The following POMT2 variants were observed in gnomAD, a reference collection of about 807,000 sequenced individuals.
The protein encoded by POMT2 is protein O-mannosyl-transferase 2.
POMT2 carries 75 observed loss-of-function variants against 100.0 expected under a neutral mutation model. The observed-to-expected ratio is 0.75, with a 90% CI of 0.62 to 0.91. POMT2 has a LOEUF of 0.91. Ranked by LOEUF, POMT2 falls within the 40% of genes least tolerant of loss-of-function variation. POMT2 has a pLI of 0.00. For synonymous variants in POMT2, 378 were observed against 374.1 expected, an observed-to-expected ratio of 1.01 and a Z score of -0.12; for missense variants, 940 against 955.1, an observed-to-expected ratio of 0.98 and a Z score of 0.21.
rs1406676294 is a variant in POMT2, at chr14:77,277,300, C to T, written c.*76G>A. ...GCTCCTTAGGCAGCTTCCTCATGGC[C>T]GGATGGTCCAGTACTGCTTCCCAGC... On this transcript the variant is annotated 3_prime_UTR_variant, in exon 21 of 21. Coordinates refer to ENST00000261534, the MANE Select transcript of POMT2 (RefSeq NM_013382.7). 1.1e-5 allele frequency: 14 copies of T among 1,301,076 alleles called. No individual in the cohort carries two copies. Among genetic ancestry groups the T allele is most frequent in the African/African-American group, 4.4e-5 (3 of 68,714 alleles). 80.6% of individuals were successfully genotyped at this position (1,301,076 alleles called of 1,614,324 possible).
chr14:77,283,770 G>A (rs144898132), intron 15 of POMT2, 27 bp downstream of exon 15: 366 of 1,561,242 alleles, frequency 2.3e-4, no homozygotes, highest in Middle Eastern at 5.1e-4. Context: ...TCTTAGAGAC[G>A]CCATGAAATG....
At position 77,307,463 on chromosome 14, in the gene POMT2, A is replaced by C. The variant is rs572916943; in HGVS notation, c.334-1022T>G. Among the ~76,000 whole-genome samples, 4 of 152,348 alleles carry C rather than the reference A, an allele frequency of 2.6e-5. No individual in the cohort carries two copies. The South Asian group carries it at 8.3e-4, about 32-fold the overall frequency. ...CAACAAAGACTTGTTTTTAAAAAGG[A>C]AGGCAGGGACCCCAGGGTTCAGACA... is the stretch of plus-strand genomic sequence containing the variant. On this transcript the variant is annotated intron_variant, in intron 2 of 20. Coordinates refer to ENST00000261534, the MANE Select transcript of POMT2 (RefSeq NM_013382.7).
intron 1 of POMT2, among the ~76,000 whole-genome samples, chr14:77,313,376 G>A (rs970169743): frequency 2.0e-5 from 3 of 152,250 alleles, no homozygotes; most frequent in Non-Finnish European, 4.4e-5. Flanking sequence ...TAACTTCAAA[G>A]CAGGGTAATG....
At chr14:77,290,033 C>A (rs988406679) in intron 10 of POMT2, among the ~76,000 whole-genome samples, 9 of 152,134 alleles carry the variant, frequency 5.9e-5, no homozygotes, top group Non-Finnish European at 1.3e-4. Flanking sequence ...CATTAATTAG[C>A]AAGATGACAA....
intron 1 of POMT2, chr14:77,319,597 TATAA>T (rs1370008660): frequency 6.6e-6 from 1 of 152,264 alleles, no homozygotes; most frequent in African/African-American, 2.4e-5. Context: ...TACTGCCTTC[TATAA>T]AACAGCAGAT....
At chr14:77,316,362 C>G (rs1411697155) in intron 1 of POMT2, among the ~76,000 whole-genome samples, 1 of 151,882 alleles carries the variant, frequency 6.6e-6, no homozygotes, top group Non-Finnish European at 1.5e-5. Context: ...GGCTTGAGGT[C>G]AGGAGTTCAA....
chr14:77,308,431 C>T (rs1400329452), intron 2 of POMT2, among the ~76,000 whole-genome samples: 7 of 148,884 alleles, frequency 4.7e-5, no homozygotes, highest in African/African-American at 1.7e-4. Context: ...TCCCAGCTCA[C>T]TGCAACCTCC....
At chr14:77,277,959 G>C (rs888692559) in intron 20 of POMT2, among the ~76,000 whole-genome samples, 6 of 137,796 alleles carry the variant, frequency 4.4e-5, no homozygotes, top group African/African-American at 1.6e-4. Flanking sequence ...AGTGACTAAA[G>C]AGGGGTGCCC....
intron 5 of POMT2, 58 bp from the exon 6 acceptor site, chr14:77,301,307 C>T (rs1428456659): frequency 1.3e-5 from 20 of 1,599,830 alleles, no homozygotes; most frequent in Non-Finnish European, 1.6e-5. Context: ...CAAACGCAAG[C>T]GCAGCAGGGG....
At chr14:77,308,030 T>C (rs558826618) in intron 2 of POMT2, among the ~76,000 whole-genome samples, 6 of 151,108 alleles carry the variant, frequency 4.0e-5, no homozygotes, top group African/African-American at 1.5e-4. Context: ...CCCGGCTAAT[T>C]TTTGTATTTT....
chr14:77,296,509 C>T lies in POMT2; in HGVS notation c.1007-236G>A, dbSNP rs932137374. The T allele has an allele frequency of 1.8e-4, 99 of 560,236 alleles. No homozygotes were observed. The Middle Eastern group carries it at 2.8e-3, about 16-fold the overall frequency. The allele number at this position is 560,236 out of a possible 1,614,324, so 34.7% of individuals were successfully genotyped here. ...GCTTCAGAAGAAGCTTGTGTTAACA[C>T]TGTCATTATCAAAGCACTACGTGTA... On this transcript the variant is annotated intron_variant, in intron 8 of 20. Coordinates refer to ENST00000261534, the MANE Select transcript of POMT2 (RefSeq NM_013382.7).
Position 77,302,860 on chromosome 14 carries a change from C to T in POMT2, c.631G>A (p.Val211Ile), listed in dbSNP as rs373139592. 7.4e-5 allele frequency: 120 copies of T among 1,613,352 alleles called. No individual in the cohort carries two copies. Among genetic ancestry groups the T allele is most frequent in the Non-Finnish European group, 9.7e-5 (114 of 1,179,434 alleles). ...FFIMAAMLSM[V>I]KYNSCADRPF... ...CTGTCGGCGCAAGAGTTGTACTTGA[C>T]CATGCTCAGCATGGCAGCCATGATG... The change falls in exon 5 of 21, where the codon GTC (valine) becomes ATC (isoleucine). Residue 211 changes from valine to isoleucine, a missense_variant. Physicochemically the swap from Val to Ile is conservative, Grantham distance 29. Transcript: ENST00000261534.
chr14:77,286,494 T>TTATTAAGTATC (rs1325663559), intron 12 of POMT2, among the ~76,000 whole-genome samples: 4 of 152,218 alleles, frequency 2.6e-5, no homozygotes, highest in Non-Finnish European at 5.9e-5. Context: ...TATTTGACAT[T>TTATTAAGTATC]TATTAAGTAT....
In POMT2 at chr14:77,320,549, G is replaced by A. The variant is rs780976004; in HGVS notation, c.133C>T (p.Pro45Ser). 98 of 1,565,264 alleles carry A rather than the reference G, an allele frequency of 6.3e-5. No individual in the cohort carries two copies. Among genetic ancestry groups the A allele is most frequent in the Middle Eastern group, 1.7e-4 (1 of 5,988 alleles). Reference protein sequence around the residue: ...AEAVARSPKRPAWGSRRFEAV... With the variant: ...AEAVARSPKRSAWGSRRFEAV... ...TCGAAGCGCCGTGAGCCCCAAGCAG[G>A]CCGTTTGGGGCTTCGCGCCACAGCC... Residue 45 changes from proline to serine, a missense_variant, in exon 1 of 21, where the codon CCT becomes TCT. Physicochemically the swap from Pro to Ser is moderately conservative, Grantham distance 74. Transcript: ENST00000261534.
chr14:77,306,212 C>A (rs1891223338), intron 3 of POMT2, 125 bp downstream of exon 3: 1 of 1,513,792 alleles, frequency 6.6e-7, no homozygotes, highest in Non-Finnish European at 8.9e-7. Flanking sequence ...TCATCCTCCC[C>A]TCTCCTCACC....
chr14:77,310,010 T>A (rs752267223), intron 2 of POMT2, among the ~76,000 whole-genome samples: 3 of 152,146 alleles, frequency 2.0e-5, no homozygotes, highest in Non-Finnish European at 4.4e-5. Context: ...AATCAGCCAG[T>A]CCTGTGCACA....
In POMT2 at chr14:77,276,035, G is replaced by T. The variant is rs1003631749; in HGVS notation, c.*1341C>A. 1 of 152,554 alleles carries T rather than the reference G, an allele frequency of 6.6e-6. No individual in the cohort carries two copies. Among genetic ancestry groups the T allele is most frequent in the African/African-American group, 2.4e-5 (1 of 41,454 alleles). The allele number at this position is 152,554 out of a possible 1,614,324, so 9.5% of individuals were successfully genotyped here. A position where few individuals can be genotyped will look rare whatever the true frequency, so the allele number is the denominator to read the frequency against. ...GGAGCTTCAGAGGAGGGAAAATGGAGTGTGGCGGATTCATCATTAAATATT... is the reference window on the plus strand; with the variant it reads ...GGAGCTTCAGAGGAGGGAAAATGGATTGTGGCGGATTCATCATTAAATATT... On this transcript the variant is annotated 3_prime_UTR_variant, in exon 21 of 21. Transcript: ENST00000261534.
rs1375049742 is a variant in POMT2, at chr14:77,276,681, C to T, written c.*695G>A. 1 of 153,034 alleles carries T rather than the reference C, an allele frequency of 6.5e-6. No homozygotes were observed. The highest frequency in any genetic ancestry group is 1.5e-5 in the Non-Finnish European group (1 of 68,580). 9.5% of individuals were successfully genotyped at this position (153,034 alleles called of 1,614,324 possible). On this transcript the variant is annotated 3_prime_UTR_variant, in exon 21 of 21. Transcript: ENST00000261534. ...CAAGGGCTAAGGCAGGCTGACGCTC[C>T]GGAGTCCGCTGCTCTCTGTGCGTCA... is the stretch of plus-strand genomic sequence containing the variant.
At chr14:77,298,550 C>T (rs2139469710) in intron 8 of POMT2, 139 bp downstream of exon 8, 1 of 886,102 alleles carries the variant, frequency 1.1e-6, no homozygotes, top group South Asian at 1.4e-5. Context: ...CGAGTATTTT[C>T]ACCAGATCTA....
Sources: gnomAD v4.1 joint callset for allele counts (sites outside exome capture counted in the v4.1 genomes callset) on GRCh38, gnomAD v4.1.1 for gene constraint, MANE v1.5 for transcripts, NCBI Gene and HGNC (gene_info 2026-07-23, HGNC 2026-07-21) for gene names.